Variants in TUSC3 observed in about 807,000 individuals in gnomAD.
The protein encoded by TUSC3 is dolichyl-diphosphooligosaccharide--protein glycosyltransferase subunit TUSC3.
In TUSC3, 45 loss-of-function variants were observed where a neutral mutation model predicts 44.8. The observed-to-expected ratio is 1.00, with a 90% CI of 0.79 to 1.29. The LOEUF is 1.29. TUSC3 is among the 50% of genes most tolerant of loss of function. TUSC3 has a pLI of 0.00. For missense variants in TUSC3, 519 were observed against 437.9 expected, an observed-to-expected ratio of 1.19 and a Z score of -1.65; for synonymous variants, 212 against 152.9, an observed-to-expected ratio of 1.39 and a Z score of -2.85.
chr8:15,630,760 C>T (rs1805724101), intron 2 of TUSC3, among the ~76,000 whole-genome samples: 1 of 152,124 alleles, frequency 6.6e-6, no homozygotes, highest in Admixed American at 6.5e-5. Context: ...CTTGTATGAT[C>T]ATGAAAAGCT....
chr8:15,845,129 A>C, the TUSC3 span, among the ~76,000 whole-genome samples: 1 of 152,156 alleles, frequency 6.6e-6, no homozygotes, highest in African/African-American at 2.4e-5. Context: ...AAGTTAGAAC[A>C]AGAAGAAACC....
At chr8:15,741,321 C>G (rs186165695) in intron 7 of TUSC3, among the ~76,000 whole-genome samples, 1 of 152,248 alleles carries the variant, frequency 6.6e-6, no homozygotes, top group African/African-American at 2.4e-5. Context: ...ATTGAGGAAG[C>G]TGCTTATTAG....
intron 2 of TUSC3, among the ~76,000 whole-genome samples, chr8:15,504,258 G>C (rs537104695): frequency 6.6e-6 from 1 of 152,024 alleles, no homozygotes; most frequent in African/African-American, 2.4e-5. Flanking sequence ...ACAAAATAAA[G>C]ATCGCTGGAG....
At chr8:15,582,523 G>A (rs566591522) in intron 1 of TUSC3, among the ~76,000 whole-genome samples, 1 of 152,288 alleles carries the variant, frequency 6.6e-6, no homozygotes, top group African/African-American at 2.4e-5. Flanking sequence ...TTAAATGGCA[G>A]TTAAAAATTA....
At chr8:15,725,829 A>G (rs763678680) in intron 6 of TUSC3, among the ~76,000 whole-genome samples, 1 of 152,168 alleles carries the variant, frequency 6.6e-6, no homozygotes, top group African/African-American at 2.4e-5. Flanking sequence ...TCGATTTTAT[A>G]AAGTACTGCA....
intron 1 of TUSC3, among the ~76,000 whole-genome samples, chr8:15,428,245 T>A (rs1799830423): frequency 6.6e-6 from 1 of 151,242 alleles, no homozygotes; most frequent in Admixed American, 6.6e-5. Context: ...TCACGATACT[T>A]CGCTGAGAAT....
chr8:15,467,985 C>G (rs961381247), intron 1 of TUSC3, among the ~76,000 whole-genome samples: 1 of 152,034 alleles, frequency 6.6e-6, no homozygotes, highest in Non-Finnish European at 1.5e-5. Flanking sequence ...ATGGTAGTGT[C>G]AGCAAAGGAA....
At chr8:15,477,749 G>A (rs1273682276) in intron 1 of TUSC3, among the ~76,000 whole-genome samples, 1 of 151,992 alleles carries the variant, frequency 6.6e-6, no homozygotes, top group Non-Finnish European at 1.5e-5. Context: ...ATTATAGTGA[G>A]AAATATATTT....
intron 1 of TUSC3, among the ~76,000 whole-genome samples, chr8:15,420,933 C>T (rs1012219822): frequency 6.6e-6 from 1 of 152,124 alleles, no homozygotes; most frequent in Non-Finnish European, 1.5e-5. Flanking sequence ...ACACACAATT[C>T]CTTGGTGATT....
At chr8:15,527,089 G>A (rs73665430) in intron 2 of TUSC3, among the ~76,000 whole-genome samples, 5,931 of 152,234 alleles carry the variant, frequency 0.039, 149 homozygotes, top group East Asian at 0.081. Flanking sequence ...GTAACAAAAT[G>A]TTTACTATAA....
At chr8:15,645,566 C>G (rs1806588417) in intron 2 of TUSC3, among the ~76,000 whole-genome samples, 1 of 152,012 alleles carries the variant, frequency 6.6e-6, no homozygotes, top group Non-Finnish European at 1.5e-5. Context: ...CTTATCTATT[C>G]TTTAACCTCT....
At chr8:15,835,647 A>AT in the TUSC3 span, among the ~76,000 whole-genome samples, 5 of 152,226 alleles carry the variant, frequency 3.3e-5, no homozygotes, top group Admixed American at 2.6e-4. Flanking sequence ...AATTTATGGA[A>AT]TTTTTTGTAC....
intron 2 of TUSC3, among the ~76,000 whole-genome samples, chr8:15,628,761 A>T: frequency 6.6e-6 from 1 of 152,240 alleles, no homozygotes; most frequent in East Asian, 1.9e-4. Context: ...TTCTTAGTGA[A>T]GAGTCTGTAG....
intron 2 of TUSC3, among the ~76,000 whole-genome samples, chr8:15,508,375 G>C (rs1413607824): frequency 6.6e-6 from 1 of 151,934 alleles, no homozygotes; most frequent in South Asian, 2.1e-4. Context: ...AAGATCTCAG[G>C]GAGGGAGAAA....
intron 1 of TUSC3, among the ~76,000 whole-genome samples, chr8:15,473,291 C>G (rs191510208): frequency 6.6e-6 from 1 of 152,146 alleles, no homozygotes; most frequent in African/African-American, 2.4e-5. Context: ...GGGGTACAAC[C>G]TTGTGTGTTT....
chr8:15,842,591 T>C, the TUSC3 span, among the ~76,000 whole-genome samples: 1 of 152,150 alleles, frequency 6.6e-6, no homozygotes, highest in Admixed American at 6.5e-5. Flanking sequence ...TTCCTGTGCA[T>C]GCAAAGCAAG....
intron 1 of TUSC3, among the ~76,000 whole-genome samples, chr8:15,450,711 C>G (rs574970367): frequency 6.6e-6 from 1 of 152,112 alleles, no homozygotes; most frequent in Non-Finnish European, 1.5e-5. Context: ...ACAGTTAACA[C>G]AGGCTTTTGG....
the TUSC3 span, among the ~76,000 whole-genome samples, chr8:15,778,111 A>AAAAAC: frequency 9.6e-6 from 1 of 103,652 alleles, no homozygotes; most frequent in African/African-American, 3.4e-5. Flanking sequence ...AAAAAAAAAA[A>AAAAAC]CAAAAAACCA....
At chr8:15,561,976 G>C (rs902451851) in intron 1 of TUSC3, among the ~76,000 whole-genome samples, 2 of 152,174 alleles carry the variant, frequency 1.3e-5, no homozygotes, top group African/African-American at 4.8e-5. Flanking sequence ...GCGTTGCTCA[G>C]GCTGGGAGCT....
Sources: gnomAD v4.1 joint callset for allele counts (sites outside exome capture counted in the v4.1 genomes callset) on GRCh38, gnomAD v4.1.1 for gene constraint, MANE v1.5 for transcripts, NCBI Gene and HGNC (gene_info 2026-07-23, HGNC 2026-07-21) for gene names.